The following FREM3 variants were observed in gnomAD, a reference collection of about 807,000 sequenced individuals.
FREM3 encodes FRAS1-related extracellular matrix protein 3.
In FREM3, 105 loss-of-function variants were observed where a neutral mutation model predicts 129.1. The ratio of observed to expected loss-of-function variants is 0.81; its 90% confidence interval spans 0.69 to 0.96. FREM3 has a LOEUF of 0.96. FREM3 is among the 40% of genes least tolerant of loss of function. FREM3 has a pLI of 0.00. For missense variants in FREM3, 2,593 were observed against 2,666.3 expected (o/e 0.97, Z 0.61); for synonymous variants, 1,014 against 1,044.9 (o/e 0.97, Z 0.57).
At chr4:143,614,505 G>C (rs1289277303) in intron 5 of FREM3, among the ~76,000 whole-genome samples, 4 of 152,140 alleles carry the variant, frequency 2.6e-5, no homozygotes, top group Non-Finnish European at 5.9e-5. Context: ...TTCCAGGCTG[G>C]TATCAAAGAC....
Position 143,577,564 on chromosome 4 carries a change from G to A in FREM3, c.*47C>T, listed in dbSNP as rs1246655815. Reference sequence around the variant, plus strand: ...TCTATAAACAGTAGAGTTTCATTCTGTTGTTAGGAGACATATCTTGGCTGT... The same window carrying A: ...TCTATAAACAGTAGAGTTTCATTCTATTGTTAGGAGACATATCTTGGCTGT... On this transcript the variant is annotated 3_prime_UTR_variant, in exon 8 of 8. Coordinates refer to ENST00000329798, the MANE Select transcript of FREM3 (RefSeq NM_001168235.2). 1.3e-6 allele frequency: 2 copies of A among 1,501,056 alleles called. No individual in the cohort carries two copies. The highest frequency in any genetic ancestry group is 2.8e-5 in the African/African-American group (2 of 72,068). The allele number at this position is 1,501,056 out of a possible 1,614,324, so 93.0% of individuals were successfully genotyped here. A position where few individuals can be genotyped will look rare whatever the true frequency, so the allele number is the denominator to read the frequency against.
chr4:143,634,425 A>C (rs1158945926), intron 2 of FREM3, among the ~76,000 whole-genome samples: 1 of 152,114 alleles, frequency 6.6e-6, no homozygotes, highest in African/African-American at 2.4e-5. Context: ...GTGGGACCCC[A>C]GCGGCTTATC....
intron 4 of FREM3, among the ~76,000 whole-genome samples, chr4:143,621,742 A>C (rs1198156763): frequency 2.0e-5 from 3 of 152,042 alleles, no homozygotes; most frequent in East Asian, 3.9e-4. Context: ...GTGTGTGTGT[A>C]TGTGTGTGTG....
chr4:143,626,650 G>A (rs1257162288), intron 3 of FREM3, among the ~76,000 whole-genome samples: 1 of 152,122 alleles, frequency 6.6e-6, no homozygotes, highest in African/African-American at 2.4e-5. Context: ...GTAGTAACCT[G>A]GAATGTAGGC....
At chr4:143,592,260 T>C (rs180967266) in intron 6 of FREM3, among the ~76,000 whole-genome samples, 1 of 152,350 alleles carries the variant, frequency 6.6e-6, no homozygotes, top group Admixed American at 6.5e-5. Flanking sequence ...AGTATTGTTA[T>C]GTGTGAATTT....
At chr4:143,630,535 C>T (rs1370613801) in intron 2 of FREM3, among the ~76,000 whole-genome samples, 1 of 152,114 alleles carries the variant, frequency 6.6e-6, no homozygotes, top group Admixed American at 6.6e-5. Flanking sequence ...TTTTAGTATG[C>T]CTTGAGCAAG....
At chr4:143,604,835 A>G (rs1738641672) in intron 6 of FREM3, among the ~76,000 whole-genome samples, 1 of 152,208 alleles carries the variant, frequency 6.6e-6, no homozygotes, top group Non-Finnish European at 1.5e-5. Context: ...AGTTCCCACA[A>G]TCCAGTAATT....
rs1740653557 is a variant in FREM3, at chr4:143,699,610, G to T, written c.1066C>A (p.His356Asn). 2 of 1,529,170 alleles carry T rather than the reference G, an allele frequency of 1.3e-6. No individual in the cohort carries two copies. Among genetic ancestry groups the T allele is most frequent in the Non-Finnish European group, 1.8e-6 (2 of 1,141,764 alleles). The allele number at this position is 1,529,170 out of a possible 1,614,324, so 94.7% of individuals were successfully genotyped here. The part of the protein sequence containing the change: ...ILNAPTHPPG[H>N]PGQQGYVVST... ...ACCACGTAGCCCTGTTGCCCCGGGTGCCCTGGTGGGTGAGTGGGGGCGTTC... is the reference window on the plus strand; with the variant it reads ...ACCACGTAGCCCTGTTGCCCCGGGTTCCCTGGTGGGTGAGTGGGGGCGTTC... Residue 356 changes from histidine (H) to asparagine (N), a missense_variant, in exon 1 of 8, where the codon CAC becomes AAC. His to Asn is a moderately conservative substitution (Grantham distance 68, BLOSUM62 1). Around this residue, in one of 2 missense-constraint regions of FREM3, gnomAD observed 2,276 missense variants for 2,267.2 expected, o/e 1.00. Coordinates refer to ENST00000329798, the MANE Select transcript of FREM3 (RefSeq NM_001168235.2). This position sits in a 1 kb window ranked among gnomAD's most constrained non-coding sequence, Gnocchi z 4.2.
At chr4:143,611,568 T>C (rs948045247) in intron 5 of FREM3, 41 bp from the exon 6 acceptor site, 7 of 1,517,440 alleles carry the variant, frequency 4.6e-6, no homozygotes, top group African/African-American at 1.4e-5. Flanking sequence ...TAAGAAGAAA[T>C]GGAATTCCAA....
chr4:143,692,868 T>C (rs937433516), intron 2 of FREM3, among the ~76,000 whole-genome samples: 3 of 152,196 alleles, frequency 2.0e-5, no homozygotes, highest in African/African-American at 7.2e-5. Context: ...GATAAAATAC[T>C]TCACATTTCA....
intron 2 of FREM3, among the ~76,000 whole-genome samples, chr4:143,675,141 T>TA (rs1467991116): frequency 1.3e-5 from 2 of 152,180 alleles, no homozygotes; most frequent in African/African-American, 4.8e-5. Flanking sequence ...TAGTTGGAAG[T>TA]AAAGCACTCC....
intron 6 of FREM3, among the ~76,000 whole-genome samples, chr4:143,593,950 G>A (rs536998967): frequency 2.6e-5 from 4 of 152,254 alleles, no homozygotes; most frequent in East Asian, 3.9e-4. Flanking sequence ...CTCCAGCCTC[G>A]CTGCCACCTT....
chr4:143,638,313 G>A lies in FREM3; in HGVS notation c.5276-10553C>T, dbSNP rs562509100. Among the ~76,000 whole-genome samples, 5 of 152,186 alleles carry A rather than the reference G, an allele frequency of 3.3e-5. No individual in the cohort carries two copies. The South Asian group carries it at 1.0e-3, about 32-fold the overall frequency. ...TATTAGCAGAAGCTTTCAATTAGTA[G>A]CAAAGTGGAAATACACTGCGTGCCC... On this transcript the variant is annotated intron_variant, in intron 2 of 7. Coordinates refer to ENST00000329798, the MANE Select transcript of FREM3 (RefSeq NM_001168235.2).
intron 2 of FREM3, among the ~76,000 whole-genome samples, chr4:143,673,632 C>T (rs533463261): frequency 1.4e-4 from 21 of 152,288 alleles, no homozygotes; most frequent in African/African-American, 4.3e-4. Context: ...CAGACAGGGA[C>T]ATTTAAGTCT....
chr4:143,591,991 G>A (rs544734990), intron 6 of FREM3, among the ~76,000 whole-genome samples: 1 of 152,298 alleles, frequency 6.6e-6, no homozygotes, highest in South Asian at 2.1e-4. Context: ...TTACCATTAT[G>A]TAATGGCCTT....
intron 2 of FREM3, among the ~76,000 whole-genome samples, chr4:143,691,946 T>C (rs975692239): frequency 2.0e-5 from 3 of 152,214 alleles, no homozygotes; most frequent in Non-Finnish European, 2.9e-5. Flanking sequence ...TAGTAACTTA[T>C]GGTTCTTGAG....
intron 3 of FREM3, among the ~76,000 whole-genome samples, chr4:143,625,903 A>G (rs1023467582): frequency 6.8e-6 from 1 of 146,700 alleles, no homozygotes; most frequent in Non-Finnish European, 1.5e-5. Flanking sequence ...ATTTATAATC[A>G]TTATTACGAA....
At position 143,684,034 on chromosome 4, in the gene FREM3, C is replaced by T. The variant is rs538386061; in HGVS notation, c.5275+9079G>A. On this transcript the variant is annotated intron_variant, in intron 2 of 7. Transcript: ENST00000329798. ...CAAGGAAAGTCTGAGCTTTGACACA[C>T]CTAGCCCCTCCCTCACATGATGGGC... Among the ~76,000 whole-genome samples, 6 of 152,272 alleles carry T rather than the reference C, an allele frequency of 3.9e-5. No individual in the cohort carries two copies. In the South Asian group the frequency reaches 8.3e-4, roughly 21 times the overall value.
In FREM3 at chr4:143,659,748, C is replaced by T. The variant is rs1413011296; in HGVS notation, c.5276-31988G>A. Among the ~76,000 whole-genome samples the T allele has an allele frequency of 4.7e-3, 705 of 150,650 alleles. 7 individuals carry two copies. Among genetic ancestry groups the T allele is most frequent in the African/African-American group, 0.017 (671 of 40,436 alleles). On this transcript the variant is annotated intron_variant, in intron 2 of 7. Coordinates refer to ENST00000329798, the MANE Select transcript of FREM3 (RefSeq NM_001168235.2). ...CCACATCCTCTTCAGCACCTGTTGT[C>T]TCCTGACTTTTTAATGATTGCCATT...
Sources: allele counts gnomAD v4.1 joint callset (sites outside exome capture counted in the v4.1 genomes callset), GRCh38; gene constraint gnomAD v4.1.1; regional missense constraint gnomAD v4.1.1; non-coding constraint Gnocchi (gnomAD v3.1); transcripts MANE v1.5; gene names NCBI Gene and HGNC (gene_info 2026-07-23, HGNC 2026-07-21).